ARL8B: variants seen among roughly 807,000 people sequenced by gnomAD.
The protein encoded by ARL8B is ADP-ribosylation factor-like protein 8B.
ARL8B carries 9 observed loss-of-function variants against 30.6 expected under a neutral mutation model. That is an observed-to-expected ratio of 0.29 (90% CI 0.18 to 0.51). The LOEUF is 0.51. Among genes scored for constraint, ARL8B ranks in the 20% least tolerant of loss-of-function variants. The probability of loss-of-function intolerance (pLI) is 0.97; values close to 1 mark genes in which losing one functional copy is unlikely to be tolerated. For missense variants in ARL8B, 130 were observed against 227.2 expected (o/e 0.57, Z 2.75); for synonymous variants, 74 against 76.0 (o/e 0.97, Z 0.14).
At chr3:5,124,765 A>T (rs896714150) in intron 1 of ARL8B, among the ~76,000 whole-genome samples, 14 of 152,186 alleles carry the variant, frequency 9.2e-5, no homozygotes, top group African/African-American at 3.4e-4. Flanking sequence ...AGCCTGCTAG[A>T]GCTTTTATAT....
chr3:5,177,417 A>G (rs1438587758), intron 6 of ARL8B, among the ~76,000 whole-genome samples: 1 of 150,598 alleles, frequency 6.6e-6, no homozygotes, highest in Non-Finnish European at 1.5e-5. Context: ...ATGAACTTCT[A>G]TCAGTATCCA....
intron 1 of ARL8B, among the ~76,000 whole-genome samples, chr3:5,168,484 G>C (rs1393126631): frequency 1.3e-5 from 2 of 152,218 alleles, no homozygotes; most frequent in Admixed American, 6.5e-5. Flanking sequence ...TTGCATGTTA[G>C]CAGTAGCAGC....
chr3:5,160,056 G>A (rs1190890883), intron 1 of ARL8B, among the ~76,000 whole-genome samples: 1 of 152,106 alleles, frequency 6.6e-6, no homozygotes, highest in African/African-American at 2.4e-5. Context: ...CACACAGCCT[G>A]CATGTGAACG....
At chr3:5,140,935 C>T (rs2054367970) in intron 1 of ARL8B, among the ~76,000 whole-genome samples, 1 of 152,186 alleles carries the variant, frequency 6.6e-6, no homozygotes, top group Non-Finnish European at 1.5e-5. Context: ...GTCTGGTAGG[C>T]AGTCACACCG....
At position 5,180,093 on chromosome 3, in the gene ARL8B, TTTG is replaced by T. The variant is rs1258163247; in HGVS notation, c.*1383_*1385del. The T allele has an allele frequency of 6.6e-6, 1 of 152,670 alleles. No individual in the cohort carries two copies. Among genetic ancestry groups the T allele is most frequent in the Non-Finnish European group, 1.5e-5 (1 of 68,036 alleles). The allele number at this position is 152,670 out of a possible 1,614,324, so 9.5% of individuals were successfully genotyped here. ...TCACACTGTGTGTGATTTTGTTTCTTTTGTTAAGCAGCACTTATGTAGACTGCA... is the reference window on the plus strand; with the variant it reads ...TCACACTGTGTGTGATTTTGTTTCTTTTAAGCAGCACTTATGTAGACTGCA... On this transcript the variant is annotated 3_prime_UTR_variant, in exon 7 of 7. Transcript: ENST00000256496.
At chr3:5,154,360 G>GTC (rs1399559260) in intron 1 of ARL8B, among the ~76,000 whole-genome samples, 1 of 123,064 alleles carries the variant, frequency 8.1e-6, no homozygotes, top group African/African-American at 4.2e-5. Context: ...TTGAGACAGG[G>GTC]TCTCGCTGTG....
chr3:5,159,173 G>A (rs1414679410), intron 1 of ARL8B, among the ~76,000 whole-genome samples: 1 of 151,830 alleles, frequency 6.6e-6, no homozygotes, highest in Non-Finnish European at 1.5e-5. Flanking sequence ...GGTAGTGTGT[G>A]CCTGTAGTCC....
chr3:5,162,889 G>T (rs2054593957), intron 1 of ARL8B, among the ~76,000 whole-genome samples: 1 of 151,814 alleles, frequency 6.6e-6, no homozygotes, highest in Admixed American at 6.6e-5. Flanking sequence ...GTACCCAATA[G>T]ATAGTTTTTC....
rs921475691 is a variant in ARL8B, at chr3:5,142,184, C to T, written c.123+19596C>T. 2.6e-5 allele frequency among the ~76,000 whole-genome samples: 4 copies of T among 152,122 alleles called. No homozygotes were observed. The East Asian group carries it at 7.7e-4, about 29-fold the overall frequency. Reference sequence around the variant, plus strand: ...GGAGGTTCCTTTTCCCATAGTACCACCAGACGTTAGCCTGGGGTATATGGA... The same window carrying T: ...GGAGGTTCCTTTTCCCATAGTACCATCAGACGTTAGCCTGGGGTATATGGA... On this transcript the variant is annotated intron_variant, in intron 1 of 6. Transcript: ENST00000256496.
At chr3:5,142,931 T>C (rs1403835850) in intron 1 of ARL8B, among the ~76,000 whole-genome samples, 3 of 152,198 alleles carry the variant, frequency 2.0e-5, no homozygotes, top group Admixed American at 6.5e-5. Context: ...TGGACAGATG[T>C]AGTTTATTCT....
intron 1 of ARL8B, among the ~76,000 whole-genome samples, chr3:5,146,655 G>A (rs1269751598): frequency 6.6e-6 from 1 of 152,096 alleles, no homozygotes; most frequent in East Asian, 1.9e-4. Context: ...TGTTCTGCCT[G>A]TATTCCTAAT....
Position 5,172,694 on chromosome 3 carries a change from A to G in ARL8B, c.326A>G (p.Asn109Ser), listed in dbSNP as rs1268291246. ...ADREKIEASR[N>S]ELHNLLDKPQ... ...CGTGAAAAGATAGAAGCTTCCCGAAATGAGCTACATAATCTTCTAGATAAA... is the reference window on the plus strand; with the variant it reads ...CGTGAAAAGATAGAAGCTTCCCGAAGTGAGCTACATAATCTTCTAGATAAA... The change falls in exon 4 of 7, where the codon AAT (asparagine) becomes AGT (serine). Residue 109 changes from asparagine (N) to serine (S), a missense_variant. Transcript: ENST00000256496. 6.2e-7 allele frequency: 1 copy of G among 1,612,606 alleles called. No homozygotes were observed. Among genetic ancestry groups the G allele is most frequent in the Admixed American group, 1.7e-5 (1 of 59,990 alleles).
intron 6 of ARL8B, among the ~76,000 whole-genome samples, chr3:5,176,979 A>G (rs775939297): frequency 6.6e-6 from 1 of 152,354 alleles, no homozygotes; most frequent in Non-Finnish European, 1.5e-5. Flanking sequence ...AGAATTATCC[A>G]GCATAAAATG....
At chr3:5,143,451 A>G (rs1208837783) in intron 1 of ARL8B, among the ~76,000 whole-genome samples, 1 of 152,214 alleles carries the variant, frequency 6.6e-6, no homozygotes, top group African/African-American at 2.4e-5. Context: ...CCACTTCTTC[A>G]GGATCAGTAT....
At chr3:5,161,703 A>T (rs1220572425) in intron 1 of ARL8B, among the ~76,000 whole-genome samples, 1 of 152,120 alleles carries the variant, frequency 6.6e-6, no homozygotes, top group Non-Finnish European at 1.5e-5. Flanking sequence ...CTAGGACTGA[A>T]ATTTAGATTT....
chr3:5,145,585 A>C (rs1023333948), intron 1 of ARL8B, among the ~76,000 whole-genome samples: 3 of 152,152 alleles, frequency 2.0e-5, no homozygotes, highest in African/African-American at 7.2e-5. Flanking sequence ...TACTGTTACA[A>C]ACAGATGGAA....
chr3:5,135,275 C>G (rs574175334), intron 1 of ARL8B, among the ~76,000 whole-genome samples: 1 of 150,614 alleles, frequency 6.6e-6, no homozygotes, highest in Non-Finnish European at 1.5e-5. Context: ...ATTAATGAAA[C>G]ACATCTGATC....
At chr3:5,125,536 C>CT (rs66519927) in intron 1 of ARL8B, among the ~76,000 whole-genome samples, 49,997 of 141,852 alleles carry the variant, frequency 0.35, 9,353 homozygotes, top group African/African-American at 0.52. Flanking sequence ...CCACCATTAT[C>CT]TTTTTTTTTT....
At chr3:5,123,324 G>A (rs1336917095) in intron 1 of ARL8B, among the ~76,000 whole-genome samples, 2 of 152,226 alleles carry the variant, frequency 1.3e-5, no homozygotes, top group Non-Finnish European at 2.9e-5. Flanking sequence ...TTCACTTGAA[G>A]AGAAAAGAAG....
Sources: allele counts gnomAD v4.1 joint callset (sites outside exome capture counted in the v4.1 genomes callset), GRCh38; gene constraint gnomAD v4.1.1; transcripts MANE v1.5; gene names NCBI Gene and HGNC (gene_info 2026-07-23, HGNC 2026-07-21).